The following ARHGAP32 variants were observed in gnomAD, a reference collection of about 807,000 sequenced individuals.
ARHGAP32 encodes the protein Rho GTPase activating protein 32.
A neutral mutation model predicts 186.5 loss-of-function variants in ARHGAP32; 51 were observed. The observed-to-expected ratio is 0.27, with a 90% CI of 0.22 to 0.35. The LOEUF (loss-of-function observed/expected upper bound fraction) is 0.35, where lower values mean the gene tolerates loss of function less well. Ranked by LOEUF, ARHGAP32 falls within the 10% of genes least tolerant of loss-of-function variation. The pLI, the probability that ARHGAP32 is intolerant of heterozygous loss-of-function variation, is 1.00. For synonymous variants in ARHGAP32, 950 were observed against 964.3 expected, an observed-to-expected ratio of 0.99 and a Z score of 0.27; for missense variants, 2,186 against 2,623.5, an observed-to-expected ratio of 0.83 and a Z score of 3.64.
In ARHGAP32 at chr11:129,072,329, A is replaced by C. The variant is rs1437391199; in HGVS notation, c.532-5461T>G. Among the ~76,000 whole-genome samples, 13 of 152,308 alleles carry C rather than the reference A, an allele frequency of 8.5e-5. No homozygotes were observed. In the South Asian group the frequency reaches 2.7e-3, roughly 32 times the overall value. On this transcript the variant is annotated intron_variant, in intron 6 of 22. Coordinates refer to ENST00000682385, the MANE Select transcript of ARHGAP32 (RefSeq NM_001378024.1). Reference sequence around the variant, plus strand: ...TTTTGTGTTACCAAGTACCACATGGAAATGACAGGCCATACAAAAATACAT... The same window carrying C: ...TTTTGTGTTACCAAGTACCACATGGCAATGACAGGCCATACAAAAATACAT...
chr11:129,147,830 A>T lies in ARHGAP32; in HGVS notation c.225+16489T>A, dbSNP rs908879414. 3.3e-5 allele frequency among the ~76,000 whole-genome samples: 5 copies of T among 152,170 alleles called. No homozygotes were observed. The East Asian group carries it at 9.6e-4, about 29-fold the overall frequency. ...ATTCTATATTTCTATGAGAGTCATG[A>T]TTATATCCTCTTTTAAACTTTATCC... is the stretch of plus-strand genomic sequence containing the variant. On this transcript the variant is annotated intron_variant, in intron 2 of 22. Coordinates refer to ENST00000682385, the MANE Select transcript of ARHGAP32 (RefSeq NM_001378024.1).
chr11:129,128,952 G>C (rs973628432), intron 2 of ARHGAP32, among the ~76,000 whole-genome samples: 1 of 152,194 alleles, frequency 6.6e-6, no homozygotes, highest in Admixed American at 6.5e-5. Context: ...CCTCCCAGCT[G>C]CCTGCCTTGG....
At chr11:129,200,337 T>C (rs1226431744) in intron 1 of ARHGAP32, among the ~76,000 whole-genome samples, 5 of 152,162 alleles carry the variant, frequency 3.3e-5, no homozygotes, top group Non-Finnish European at 5.9e-5. Flanking sequence ...TCTCATCTTG[T>C]ATTGTAACTC....
At chr11:129,027,973 C>A (rs971502850) in intron 11 of ARHGAP32, among the ~76,000 whole-genome samples, 3 of 152,124 alleles carry the variant, frequency 2.0e-5, no homozygotes, top group African/African-American at 7.2e-5. Context: ...CCTCTTTACT[C>A]AGGGCAAGAA....
intron 1 of ARHGAP32, among the ~76,000 whole-genome samples, chr11:129,186,871 C>T (rs530201938): frequency 6.6e-6 from 1 of 152,186 alleles, no homozygotes; most frequent in East Asian, 1.9e-4. Flanking sequence ...TAACAAATGC[C>T]GGCAACAATG....
At chr11:129,117,235 T>C (rs918620100) in intron 5 of ARHGAP32, among the ~76,000 whole-genome samples, 2 of 151,658 alleles carry the variant, frequency 1.3e-5, no homozygotes, top group Non-Finnish European at 1.5e-5. Flanking sequence ...CACAAAACGG[T>C]TTAAGAACTT....
At chr11:129,144,276 G>C (rs1943124130) in intron 2 of ARHGAP32, among the ~76,000 whole-genome samples, 1 of 152,110 alleles carries the variant, frequency 6.6e-6, no homozygotes. Context: ...TATATATTGT[G>C]AGTTCAGGTA....
chr11:129,221,593 C>A (rs1404253440), intron 1 of ARHGAP32, among the ~76,000 whole-genome samples: 1 of 150,366 alleles, frequency 6.7e-6, no homozygotes, highest in Non-Finnish European at 1.5e-5. Flanking sequence ...TCCTGAGCTG[C>A]GCCCCAGAAA....
intron 1 of ARHGAP32, among the ~76,000 whole-genome samples, chr11:129,272,610 T>C (rs1031584077): frequency 6.6e-6 from 1 of 152,082 alleles, no homozygotes; most frequent in South Asian, 2.1e-4. Context: ...TCCTATATAC[T>C]AAAAGGAAGC....
chr11:129,152,132 C>T (rs1247781784), intron 2 of ARHGAP32, among the ~76,000 whole-genome samples: 1 of 152,110 alleles, frequency 6.6e-6, no homozygotes, highest in African/African-American at 2.4e-5. Flanking sequence ...AGATGGATAA[C>T]TTCCTGGAAA....
rs1945494533 is a variant in ARHGAP32 at position 128,974,723 on chromosome 11, C to A, written c.2474G>T (p.Cys825Phe). ...TAAAAAGGAAGCACCACTCTCCAGA[C>A]ATTCTGATTCGGCCTTAGGAGGACT... ...QCSPPKAESECLESGASFLDS... is the reference protein window; with the variant it reads ...QCSPPKAESEFLESGASFLDS... The change falls in exon 21 of 23, where the codon TGT becomes TTT. Residue 825 changes from cysteine to phenylalanine, a missense_variant. By Grantham distance (205) the Cys-to-Phe change is radical. Transcript: ENST00000682385. 2 of 1,614,230 alleles carry A rather than the reference C, an allele frequency of 1.2e-6. No individual in the cohort carries two copies. The highest frequency in any genetic ancestry group is 1.7e-6 in the Non-Finnish European group (2 of 1,180,042).
intron 1 of ARHGAP32, among the ~76,000 whole-genome samples, chr11:129,216,939 T>G (rs187967544): frequency 0.011 from 1,697 of 152,172 alleles, 32 homozygotes; most frequent in African/African-American, 0.035. Flanking sequence ...ATATAATCAG[T>G]TTTTGTAATG....
At chr11:129,064,808 T>C (rs775554648) in intron 8 of ARHGAP32, 33 bp downstream of exon 8, 76 of 1,474,978 alleles carry the variant, frequency 5.2e-5, no homozygotes, top group Non-Finnish European at 6.7e-5. Context: ...AATTTAAATA[T>C]ACATTTTTCA....
intron 5 of ARHGAP32, among the ~76,000 whole-genome samples, chr11:129,104,366 GAGTGATCAC>G (rs1941991406): frequency 6.6e-6 from 1 of 152,074 alleles, no homozygotes; most frequent in African/African-American, 2.4e-5. Flanking sequence ...ATGGAGGAAA[GAGTGATCAC>G]AGTTAAAATA....
At chr11:129,217,196 C>T (rs11221608) in intron 1 of ARHGAP32, among the ~76,000 whole-genome samples, 29,771 of 152,030 alleles carry the variant, frequency 0.2, 3,093 homozygotes, top group Non-Finnish European at 0.22. Context: ...TCCTTCTTTG[C>T]CTCTTTAAAT....
chr11:129,227,495 A>C (rs1944802003), intron 1 of ARHGAP32, among the ~76,000 whole-genome samples: 1 of 151,858 alleles, frequency 6.6e-6, no homozygotes, highest in South Asian at 2.1e-4. Flanking sequence ...AAACTGAACT[A>C]AACATGATCC....
chr11:128,980,043 C>T (rs12281016), intron 18 of ARHGAP32, among the ~76,000 whole-genome samples: 3,524 of 152,268 alleles, frequency 0.023, 70 homozygotes, highest in African/African-American at 0.054. Context: ...TCTGATTCAG[C>T]GGGTCTGGGG....
At chr11:129,049,900 A>G (rs565962314) in intron 10 of ARHGAP32, among the ~76,000 whole-genome samples, 2 of 152,358 alleles carry the variant, frequency 1.3e-5, no homozygotes, top group Non-Finnish European at 2.9e-5. Flanking sequence ...TCGTGTGGTA[A>G]GTGTACAGTA....
At chr11:129,017,786 T>G (rs1938422254) in intron 11 of ARHGAP32, among the ~76,000 whole-genome samples, 1 of 152,292 alleles carries the variant, frequency 6.6e-6, no homozygotes, top group Admixed American at 6.5e-5. Context: ...TTAAATAGAT[T>G]ATTTCTTATG....
Sources: gnomAD v4.1 joint callset for allele counts (sites outside exome capture counted in the v4.1 genomes callset) on GRCh38, gnomAD v4.1.1 for gene constraint, MANE v1.5 for transcripts, NCBI Gene and HGNC (gene_info 2026-07-23, HGNC 2026-07-21) for gene names.